The following TTLL11 variants were observed in gnomAD, a reference collection of about 807,000 sequenced individuals.
The protein encoded by TTLL11 is tubulin tyrosine ligase like 11, also known as tubulin polyglutamylase TTLL11.
TTLL11 carries 42 observed loss-of-function variants against 51.7 expected under a neutral mutation model. The ratio of observed to expected loss-of-function variants is 0.81; its 90% CI spans 0.64 to 1.05. The LOEUF is 1.05. Ranked by LOEUF, TTLL11 falls within the 50% of genes least tolerant of loss-of-function variation. The pLI, the probability that TTLL11 is intolerant of heterozygous loss-of-function variation, is 0.00. For synonymous variants in TTLL11, 381 were observed against 383.5 expected (o/e 0.99, Z 0.08); for missense variants, 799 against 940.4 (o/e 0.85, Z 1.97).
At chr9:121,973,600 AG>A (rs1479334634) in intron 6 of TTLL11, among the ~76,000 whole-genome samples, 1 of 141,948 alleles carries the variant, frequency 7.0e-6, no homozygotes, top group Non-Finnish European at 1.5e-5. Flanking sequence ...TTGTGGGGTC[AG>A]GGGAGGGGGG....
At chr9:121,826,563 A>G (rs866861479) in intron 8 of TTLL11, among the ~76,000 whole-genome samples, 1,250 of 107,640 alleles carry the variant, frequency 0.012, 88 homozygotes, top group African/African-American at 0.023. Context: ...GTGTGTATAT[A>G]TATATATATA....
intron 8 of TTLL11, among the ~76,000 whole-genome samples, chr9:121,836,443 C>T (rs79310615): frequency 0.014 from 2,102 of 152,316 alleles, 57 homozygotes; most frequent in African/African-American, 0.048. Context: ...GGGGAGCTCA[C>T]CACTGCCCCA....
At chr9:121,925,766 C>T (rs993994846) in intron 6 of TTLL11, among the ~76,000 whole-genome samples, 4 of 152,278 alleles carry the variant, frequency 2.6e-5, no homozygotes, top group Admixed American at 6.5e-5. Flanking sequence ...GAGCCTGGAA[C>T]GGCACTTAGG....
chr9:121,939,198 G>A (rs1052460676), intron 6 of TTLL11, among the ~76,000 whole-genome samples: 6 of 151,976 alleles, frequency 3.9e-5, no homozygotes, highest in Non-Finnish European at 8.8e-5. Flanking sequence ...ATAAACCCTA[G>A]TATTTGCTTA....
intron 6 of TTLL11, among the ~76,000 whole-genome samples, chr9:121,973,608 G>C (rs1240142019): frequency 1.3e-5 from 2 of 150,470 alleles, no homozygotes; most frequent in East Asian, 3.9e-4. Flanking sequence ...TCAGGGGAGG[G>C]GGGAAGGACA....
chr9:122,056,947 G>C (rs1315988095), intron 1 of TTLL11, among the ~76,000 whole-genome samples: 1 of 152,232 alleles, frequency 6.6e-6, no homozygotes, highest in East Asian at 1.9e-4. Flanking sequence ...TGGGAGTAGA[G>C]AGAAGCCAAG....
intron 1 of TTLL11, among the ~76,000 whole-genome samples, chr9:122,077,217 T>C (rs1036160898): frequency 3.3e-5 from 5 of 151,766 alleles, no homozygotes; most frequent in African/African-American, 7.3e-5. Flanking sequence ...ACAAAGAAAA[T>C]GGCAAATGTG....
intron 6 of TTLL11, among the ~76,000 whole-genome samples, chr9:121,962,535 T>C (rs1842264406): frequency 6.6e-6 from 1 of 152,244 alleles, no homozygotes; most frequent in African/African-American, 2.4e-5. Flanking sequence ...AGCCAACTAT[T>C]AGGTTAAACC....
chr9:121,964,388 C>G (rs1403130642), intron 6 of TTLL11, among the ~76,000 whole-genome samples: 1 of 152,120 alleles, frequency 6.6e-6, no homozygotes, highest in East Asian at 1.9e-4. Flanking sequence ...ACCTCTGACT[C>G]CTGGGTTCAA....
intron 6 of TTLL11, among the ~76,000 whole-genome samples, chr9:121,921,785 G>T (rs1008821232): frequency 1.3e-5 from 2 of 152,206 alleles, no homozygotes; most frequent in Middle Eastern, 3.2e-3. Flanking sequence ...AGAGAGGCCT[G>T]CAAGGAAGCC....
At chr9:122,057,469 G>A (rs1845320901) in intron 1 of TTLL11, among the ~76,000 whole-genome samples, 1 of 151,776 alleles carries the variant, frequency 6.6e-6, no homozygotes, top group Non-Finnish European at 1.5e-5. Context: ...GGGATTACAG[G>A]CACCCACCAC....
intron 7 of TTLL11, among the ~76,000 whole-genome samples, chr9:121,863,336 CA>C (rs1461458390): frequency 6.6e-6 from 1 of 152,206 alleles, no homozygotes; most frequent in African/African-American, 2.4e-5. Flanking sequence ...GGAACAGCCA[CA>C]GTGTCCTTTA....
chr9:121,851,062 C>T (rs1047997766), intron 8 of TTLL11, among the ~76,000 whole-genome samples: 3 of 152,136 alleles, frequency 2.0e-5, no homozygotes, highest in African/African-American at 7.2e-5. Flanking sequence ...ACCTTAAATG[C>T]ATATTGTTAA....
chr9:121,964,184 G>A (rs1408100372), intron 6 of TTLL11, among the ~76,000 whole-genome samples: 1 of 151,846 alleles, frequency 6.6e-6, no homozygotes, highest in Non-Finnish European at 1.5e-5. Context: ...AAAAAAAAAG[G>A]TTTCGAATAC....
intron 6 of TTLL11, among the ~76,000 whole-genome samples, chr9:121,906,959 G>A (rs1348173500): frequency 4.6e-5 from 7 of 152,028 alleles, no homozygotes; most frequent in Non-Finnish European, 1.0e-4. Flanking sequence ...TGTATTTCCA[G>A]ATTTCAAACA....
chr9:122,066,855 G>T (rs925790985), intron 1 of TTLL11, among the ~76,000 whole-genome samples: 1 of 152,110 alleles, frequency 6.6e-6, no homozygotes, highest in African/African-American at 2.4e-5. Context: ...AATCATGACA[G>T]AAGGGGAAGC....
intron 3 of TTLL11, among the ~76,000 whole-genome samples, chr9:122,027,023 A>T (rs1191185462): frequency 6.6e-6 from 1 of 152,102 alleles, no homozygotes; most frequent in Non-Finnish European, 1.5e-5. Context: ...ATTGGATCAC[A>T]GTTCCACAGG....
At chr9:122,000,721 T>G (rs956473284) in intron 3 of TTLL11, among the ~76,000 whole-genome samples, 1 of 152,196 alleles carries the variant, frequency 6.6e-6, no homozygotes, top group Admixed American at 6.5e-5. Flanking sequence ...AACCATAAAA[T>G]GGGCAACCAG....
rs140004322 is a variant in TTLL11 at position 122,010,847 on chromosome 9, T to G, written c.693+20876A>C. On this transcript the variant is annotated intron_variant, in intron 3 of 8. Transcript: ENST00000321582. ...AGTTAAAAATATGGCTTTCAGTGTC[T>G]GATAGGTCATGATTCAAAGCAAGAT... is the stretch of plus-strand genomic sequence containing the variant. Among the ~76,000 whole-genome samples, 32 of 152,360 alleles carry G rather than the reference T, an allele frequency of 2.1e-4. No homozygotes were observed. In the East Asian group the frequency reaches 4.8e-3, roughly 23 times the overall value.
Sources: allele counts gnomAD v4.1 joint callset (sites outside exome capture counted in the v4.1 genomes callset), GRCh38; gene constraint gnomAD v4.1.1; transcripts MANE v1.5; gene names NCBI Gene and HGNC (gene_info 2026-07-23, HGNC 2026-07-21).